The following AUTS2 variants were observed in gnomAD, a reference collection of about 807,000 sequenced individuals.
AUTS2 encodes the protein activator of transcription and developmental regulator AUTS2.
In AUTS2, 17 loss-of-function variants were observed where a neutral mutation model predicts 112.4. The ratio of observed to expected loss-of-function variants is 0.15; its 90% confidence interval spans 0.10 to 0.23. The LOEUF is 0.23. Ranked by LOEUF, AUTS2 falls within the 10% of genes least tolerant of loss-of-function variation. The probability of loss-of-function intolerance (pLI) is 1.00; values close to 1 mark genes in which losing one functional copy is unlikely to be tolerated. For missense variants in AUTS2, 1,510 were observed against 1,701.6 expected, an observed-to-expected ratio of 0.89 and a Z score of 1.98; for synonymous variants, 751 against 702.7, an observed-to-expected ratio of 1.07 and a Z score of -1.09.
chr7:69,864,351 A>T (rs1793124881), intron 1 of AUTS2, among the ~76,000 whole-genome samples: 1 of 152,104 alleles, frequency 6.6e-6, no homozygotes, highest in South Asian at 2.1e-4. Flanking sequence ...CATGCTAGAG[A>T]AGAGATGATG....
intron 5 of AUTS2, among the ~76,000 whole-genome samples, chr7:70,651,864 A>G (rs1806524527): frequency 6.6e-6 from 1 of 152,204 alleles, no homozygotes; most frequent in East Asian, 1.9e-4. Flanking sequence ...CCCAGAAAAC[A>G]CTGGCAAACA....
chr7:69,957,766 C>G (rs1797274972), intron 2 of AUTS2, among the ~76,000 whole-genome samples: 2 of 152,108 alleles, frequency 1.3e-5, no homozygotes, highest in African/African-American at 4.8e-5. Flanking sequence ...AATTAGATAA[C>G]AACCCTCCCA....
chr7:69,711,818 T>G (rs1381544327), intron 1 of AUTS2, among the ~76,000 whole-genome samples: 1 of 152,178 alleles, frequency 6.6e-6, no homozygotes, highest in South Asian at 2.1e-4. Context: ...ATCCACAAAG[T>G]GTACATTTGT....
At chr7:70,311,826 C>T (rs921378837) in intron 4 of AUTS2, among the ~76,000 whole-genome samples, 1 of 152,168 alleles carries the variant, frequency 6.6e-6, no homozygotes, top group Admixed American at 6.5e-5. Flanking sequence ...ACACTGTTCT[C>T]GTGCCTCAGC....
chr7:69,943,754 G>A (rs892177888), intron 2 of AUTS2, among the ~76,000 whole-genome samples: 3 of 152,180 alleles, frequency 2.0e-5, no homozygotes, highest in Non-Finnish European at 2.9e-5. Context: ...ATGTATGTAA[G>A]TGATCAAATA....
chr7:69,822,045 C>G (rs1167957169), intron 1 of AUTS2, among the ~76,000 whole-genome samples: 1 of 151,470 alleles, frequency 6.6e-6, no homozygotes, highest in Non-Finnish European at 1.5e-5. Flanking sequence ...ATTAAAAAAT[C>G]AGTGACTGGA....
chr7:70,575,282 G>T (rs1167215147), intron 5 of AUTS2, among the ~76,000 whole-genome samples: 2 of 152,090 alleles, frequency 1.3e-5, no homozygotes, highest in East Asian at 1.9e-4. Flanking sequence ...GTGCTTTACT[G>T]CCAGCCACTA....
intron 4 of AUTS2, among the ~76,000 whole-genome samples, chr7:70,322,598 T>C (rs547408637): frequency 1.3e-5 from 2 of 152,352 alleles, no homozygotes; most frequent in African/African-American, 4.8e-5. Flanking sequence ...TTCAATTTTA[T>C]GGCCTCTCTG....
intron 2 of AUTS2, among the ~76,000 whole-genome samples, chr7:69,957,297 C>T (rs989809248): frequency 6.6e-6 from 1 of 151,192 alleles, no homozygotes; most frequent in African/African-American, 2.4e-5. Context: ...CCTTATCAAC[C>T]GCATCGCTGG....
At chr7:70,339,831 C>G (rs973031395) in intron 4 of AUTS2, among the ~76,000 whole-genome samples, 2 of 151,316 alleles carry the variant, frequency 1.3e-5, no homozygotes, top group African/African-American at 4.9e-5. Context: ...CAGGAATAAC[C>G]ATTCAGTTCA....
At position 70,640,865 on chromosome 7, in the gene AUTS2, G is replaced by A. The variant is rs568206097; in HGVS notation, c.691-57704G>A. ...GCTTTCCGTTGCTAGAGCCCACGCC[G>A]TCATCCCTTCTTGCCCATATTCCTG... On this transcript the variant is annotated intron_variant, in intron 5 of 18. Coordinates refer to ENST00000342771, the MANE Select transcript of AUTS2 (RefSeq NM_015570.4). 9.2e-5 allele frequency among the ~76,000 whole-genome samples: 14 copies of A among 152,276 alleles called. No homozygotes were observed. In the South Asian group the frequency reaches 1.2e-3, roughly 14 times the overall value.
intron 4 of AUTS2, among the ~76,000 whole-genome samples, chr7:70,388,125 CTGCCAACATGATT>C (rs1218197168): frequency 2.0e-5 from 3 of 152,122 alleles, no homozygotes; most frequent in African/African-American, 7.2e-5. Flanking sequence ...TCCTTTATTT[CTGCCAACATGATT>C]CTATGTGTTG....
chr7:70,763,096 C>G lies in AUTS2; in HGVS notation c.969C>G (p.Asp323Glu), dbSNP rs762452843. ...TCCGAGCTCCTTCTCCGGACCCTGA[C>G]TTGGTGCAGCGCACAGAGGCCCCAC... ...PQLRAPSPDP[D>E]LVQRTEAPPQ... The change falls in exon 7 of 19, where the codon GAC becomes GAG. Residue 323 changes from aspartate (D) to glutamate (E), a missense_variant. Transcript: ENST00000342771. 1 of 1,614,126 alleles carries G rather than the reference C, an allele frequency of 6.2e-7. No homozygotes were observed. The highest frequency in any genetic ancestry group is 2.2e-5 in the East Asian group (1 of 44,878).
chr7:69,720,136 G>C (rs1344154220), intron 1 of AUTS2, among the ~76,000 whole-genome samples: 1 of 152,216 alleles, frequency 6.6e-6, no homozygotes, highest in African/African-American at 2.4e-5. Context: ...AAAATGGAAA[G>C]CTGATGGGTT....
At chr7:69,978,060 A>G (rs950715628) in intron 2 of AUTS2, among the ~76,000 whole-genome samples, 5 of 152,204 alleles carry the variant, frequency 3.3e-5, no homozygotes, top group Non-Finnish European at 5.9e-5. Context: ...TGGTTAAATA[A>G]CATAATGTTG....
intron 1 of AUTS2, among the ~76,000 whole-genome samples, chr7:69,614,368 T>TCTTTCTTTCTTTCTTTC (rs1474509971): frequency 6.1e-4 from 12 of 19,524 alleles, no homozygotes; most frequent in African/African-American, 1.3e-3. Context: ...TTCTTTCTTT[T>TCTTTCTTTCTTTCTTTC]TTTAAGAGAT....
chr7:70,683,372 C>T (rs970489070), intron 5 of AUTS2, among the ~76,000 whole-genome samples: 4 of 152,200 alleles, frequency 2.6e-5, no homozygotes, highest in African/African-American at 9.6e-5. Context: ...ATCAACCCAT[C>T]TCTTACATGT....
intron 2 of AUTS2, among the ~76,000 whole-genome samples, chr7:70,114,998 G>C (rs1215256928): frequency 6.6e-6 from 1 of 152,158 alleles, no homozygotes; most frequent in Non-Finnish European, 1.5e-5. Flanking sequence ...TGGTGTAGGG[G>C]TGGATTTTAT....
chr7:70,496,248 C>A (rs1244734301), intron 5 of AUTS2, among the ~76,000 whole-genome samples: 2 of 136,818 alleles, frequency 1.5e-5, no homozygotes, highest in Non-Finnish European at 3.1e-5. Flanking sequence ...CACACACACA[C>A]ACACACCCCA....
Sources: gnomAD v4.1 joint callset for allele counts (sites outside exome capture counted in the v4.1 genomes callset) on GRCh38, gnomAD v4.1.1 for gene constraint, MANE v1.5 for transcripts, NCBI Gene and HGNC (gene_info 2026-07-23, HGNC 2026-07-21) for gene names.